AVPI1: variants seen among roughly 807,000 people sequenced by gnomAD.
The protein encoded by AVPI1 is arginine vasopressin induced 1.
A neutral mutation model predicts 11.9 loss-of-function variants in AVPI1; 9 were observed. The observed-to-expected ratio is 0.76, with a 90% CI of 0.46 to 1.32. The LOEUF (loss-of-function observed/expected upper bound fraction) is 1.32, where lower values mean the gene tolerates loss of function less well. Among genes scored for constraint, AVPI1 ranks in the 40% most tolerant of loss-of-function variants. The probability of loss-of-function intolerance (pLI) is 0.00; values close to 1 mark genes in which losing one functional copy is unlikely to be tolerated. For synonymous variants in AVPI1, 68 were observed against 78.1 expected (o/e 0.87, Z 0.68); for missense variants, 207 against 195.8 (o/e 1.06, Z -0.34).
At chr10:97,684,734 A>G (rs564218298) in intron 1 of AVPI1, among the ~76,000 whole-genome samples, 26 of 152,180 alleles carry the variant, frequency 1.7e-4, no homozygotes, top group Admixed American at 9.2e-4. Flanking sequence ...TCCCGACCTC[A>G]AGTGATCCAC....
In AVPI1 at chr10:97,678,041, GTA is replaced by G. The variant is rs1313863864; in HGVS notation, c.288-18_288-17del. The G allele has an allele frequency of 8.7e-6, 14 of 1,608,668 alleles. No homozygotes were observed. In the Admixed American group the frequency reaches 2.4e-4, roughly 27 times the overall value. ...CTCCAGGATTCTGCAGAGAACAAGT[GTA>G]TGATTAGCCAACATCAATAGGAAGA... On this transcript the variant is annotated splice_polypyrimidine_tract_variant and intron_variant, in intron 2 of 2. Coordinates refer to ENST00000370626, the MANE Select transcript of AVPI1 (RefSeq NM_021732.3).
At chr10:97,683,164 AT>A (rs952841289) in intron 1 of AVPI1, among the ~76,000 whole-genome samples, 5 of 149,706 alleles carry the variant, frequency 3.3e-5, no homozygotes, top group African/African-American at 7.4e-5. Flanking sequence ...TTTTATTTTT[AT>A]TTTTTTTTTG....
chr10:97,679,940 T>A, intron 1 of AVPI1, 25 bp from the exon 2 acceptor site: 1 of 1,508,998 alleles, frequency 6.6e-7, no homozygotes, highest in Non-Finnish European at 8.8e-7. Context: ...CATGGAGACA[T>A]CATCAACTCA....
At position 97,677,826 on chromosome 10, in the gene AVPI1, T is replaced by C. The variant is rs752546906; in HGVS notation, c.*43A>G. 52 of 1,607,186 alleles carry C rather than the reference T, an allele frequency of 3.2e-5. No individual in the cohort carries two copies. Among genetic ancestry groups the C allele is most frequent in the Non-Finnish European group, 4.3e-5 (50 of 1,175,640 alleles). ...TCTTCCTTCACCTCCCCAGGCCTTT[T>C]GGCAAGAGGGAAGACACTGCCATTC... is the stretch of plus-strand genomic sequence containing the variant. On this transcript the variant is annotated 3_prime_UTR_variant, in exon 3 of 3. Coordinates refer to ENST00000370626, the MANE Select transcript of AVPI1 (RefSeq NM_021732.3).
At position 97,686,787 on chromosome 10, in the gene AVPI1, C is replaced by T. The variant is rs1161091560; in HGVS notation, c.-32G>A. On this transcript the variant is annotated 5_prime_UTR_variant, in exon 1 of 3. Coordinates refer to ENST00000370626, the MANE Select transcript of AVPI1 (RefSeq NM_021732.3). ...TCACCACACTGAAGGGCAGCTCCGA[C>T]AGACCTCAAATGGGGATGGGGCAAG... is the stretch of plus-strand genomic sequence containing the variant. 2.0e-5 allele frequency: 3 copies of T among 152,482 alleles called. No homozygotes were observed. The highest frequency in any genetic ancestry group is 2.9e-5 in the Non-Finnish European group (2 of 68,254). 9.4% of individuals were successfully genotyped at this position (152,482 alleles called of 1,614,324 possible).
At chr10:97,683,437 G>C (rs2041714409) in intron 1 of AVPI1, among the ~76,000 whole-genome samples, 2 of 152,240 alleles carry the variant, frequency 1.3e-5, no homozygotes, top group Admixed American at 1.3e-4. Context: ...GTGATTACAG[G>C]TGTGAGCCAC....
intron 1 of AVPI1, among the ~76,000 whole-genome samples, chr10:97,682,027 A>G (rs1219590853): frequency 6.6e-6 from 1 of 152,252 alleles, no homozygotes; most frequent in Non-Finnish European, 1.5e-5. Context: ...GATGATTTAA[A>G]GCATGCAGGA....
chr10:97,684,688 C>T (rs10444017), intron 1 of AVPI1, among the ~76,000 whole-genome samples: 44,943 of 151,444 alleles, frequency 0.3, 6,926 homozygotes, highest in African/African-American at 0.38. Flanking sequence ...TTAGTAGAGA[C>T]AAGGTTTCAC....
In AVPI1 at chr10:97,677,793, A is replaced by G. The variant is rs901919010; in HGVS notation, c.*76T>C. The G allele has an allele frequency of 6.4e-7, 1 of 1,570,600 alleles. No homozygotes were observed. The highest frequency in any genetic ancestry group is 8.7e-7 in the Non-Finnish European group (1 of 1,153,934). On this transcript the variant is annotated 3_prime_UTR_variant, in exon 3 of 3. Transcript: ENST00000370626. ...ATTTACCCCTTTGGGCTGCTTGCCTAAAGTCTCTCTTCCTTCACCTCCCCA... is the reference window on the plus strand; with the variant it reads ...ATTTACCCCTTTGGGCTGCTTGCCTGAAGTCTCTCTTCCTTCACCTCCCCA...
chr10:97,679,643 G>A lies in AVPI1; in HGVS notation c.263C>T (p.Ser88Leu). Residue 88 changes from serine to leucine, a missense_variant, in exon 2 of 3, where the codon TCG (serine) becomes TTG (leucine). By Grantham distance (145) the Ser-to-Leu change is moderately radical. Coordinates refer to ENST00000370626, the MANE Select transcript of AVPI1 (RefSeq NM_021732.3). ...CCTGAGGCGGCTGCAGTGGTGTAGC[G>A]AGTGGCCCAGGGGTTTCTGCCTTGG... ...RPPRQKPLGH[S>L]LHHCSRLRIL... 1.9e-6 allele frequency: 3 copies of A among 1,613,246 alleles called. No homozygotes were observed. Among genetic ancestry groups the A allele is most frequent in the East Asian group, 2.2e-5 (1 of 44,846 alleles).
At position 97,679,853 on chromosome 10, in the gene AVPI1, A is replaced by G. The variant is rs776212269; in HGVS notation, c.53T>C (p.Ile18Thr). 5 of 1,603,140 alleles carry G rather than the reference A, an allele frequency of 3.1e-6. No homozygotes were observed. The highest frequency in any genetic ancestry group is 2.2e-5 in the East Asian group (1 of 44,556). The change falls in exon 2 of 3, where the codon ATT becomes ACT. Residue 18 changes from isoleucine to threonine, a missense_variant. Physicochemically the swap from Ile to Thr is moderately conservative, Grantham distance 89. Coordinates refer to ENST00000370626, the MANE Select transcript of AVPI1 (RefSeq NM_021732.3). ...GGCCTGCTTGCGGCCCCGGGCCTCA[A>G]TCGGGGCCTGCCAAGGGGGTGGCTC... is the stretch of plus-strand genomic sequence containing the variant. Reference protein sequence around the residue: ...VSEPPPWQAPIEARGRKQASA... With the variant: ...VSEPPPWQAPTEARGRKQASA...
At chr10:97,678,612 C>T (rs2135768625) in intron 2 of AVPI1, among the ~76,000 whole-genome samples, 1 of 151,964 alleles carries the variant, frequency 6.6e-6, no homozygotes, top group South Asian at 2.1e-4. Context: ...CAATTTTTAA[C>T]CCATAATGCC....
chr10:97,683,361 G>A (rs1050087718), intron 1 of AVPI1, among the ~76,000 whole-genome samples: 1 of 152,160 alleles, frequency 6.6e-6, no homozygotes, highest in Non-Finnish European at 1.5e-5. Flanking sequence ...GTTTCACCAT[G>A]TTGGTCAGGC....
chr10:97,677,945 C>T lies in AVPI1; in HGVS notation c.368G>A (p.Arg123Lys). The T allele has an allele frequency of 6.2e-7, 1 of 1,614,116 alleles. No homozygotes were observed. The highest frequency in any genetic ancestry group is 8.5e-7 in the Non-Finnish European group (1 of 1,180,002). The change falls in exon 3 of 3, where the codon AGG (arginine) becomes AAG (lysine). Residue 123 changes from arginine to lysine, a missense_variant. Coordinates refer to ENST00000370626, the MANE Select transcript of AVPI1 (RefSeq NM_021732.3). ...TASSEQYLHS[R>K]KKSARIRRNW... is the part of the protein sequence containing the mutation. ...CCGGCGGATCCTGGCACTTTTCTTC[C>T]TAGAGTGCAGATACTGCTCACTGGA...
At chr10:97,679,040 A>G in intron 2 of AVPI1, among the ~76,000 whole-genome samples, 1 of 140,788 alleles carries the variant, frequency 7.1e-6, no homozygotes, top group East Asian at 2.3e-4. Context: ...CAGGCTGGTA[A>G]GCTGAGAATA....
intron 1 of AVPI1, among the ~76,000 whole-genome samples, chr10:97,685,737 C>T (rs979473844): frequency 1.3e-5 from 2 of 152,200 alleles, no homozygotes; most frequent in Non-Finnish European, 2.9e-5. Flanking sequence ...TCCCCACCAG[C>T]AGGGCCTAGC....
intron 1 of AVPI1, among the ~76,000 whole-genome samples, chr10:97,680,412 A>T (rs907047723): frequency 4.6e-5 from 7 of 152,198 alleles, no homozygotes; most frequent in Admixed American, 3.3e-4. Flanking sequence ...GAGGAATCTG[A>T]GGAAAGGTTA....
Position 97,681,351 on chromosome 10 carries a change from G to A in AVPI1, c.-10-1436C>T, listed in dbSNP as rs1445311258. Among the ~76,000 whole-genome samples the A allele has an allele frequency of 5.9e-5, 9 of 151,882 alleles. 1 individual carries two copies. The highest frequency in any genetic ancestry group is 5.2e-4 in the Admixed American group (8 of 15,252). On this transcript the variant is annotated intron_variant, in intron 1 of 2. Transcript: ENST00000370626. ...GTAATCCCAGCACTTTGGGAGGTGA[G>A]GCGGGCGGATCACCTGAGGTCAGGA...
chr10:97,682,319 T>C (rs1358242825), intron 1 of AVPI1, among the ~76,000 whole-genome samples: 1 of 152,154 alleles, frequency 6.6e-6, no homozygotes, highest in East Asian at 1.9e-4. Context: ...CTGCTGCTTC[T>C]CCAGGGCCTG....
Sources: gnomAD v4.1 joint callset for allele counts (sites outside exome capture counted in the v4.1 genomes callset) on GRCh38, gnomAD v4.1.1 for gene constraint, MANE v1.5 for transcripts, NCBI Gene and HGNC (gene_info 2026-07-23, HGNC 2026-07-21) for gene names.